The following ITPR2 variants were observed in gnomAD, a reference collection of about 807,000 sequenced individuals.
The protein encoded by ITPR2 is inositol 1,4,5-trisphosphate-gated calcium channel ITPR2.
In ITPR2, 207 loss-of-function variants were observed where a neutral mutation model predicts 317.1. That is an observed-to-expected ratio of 0.65 (90% CI 0.58 to 0.73). The LOEUF (loss-of-function observed/expected upper bound fraction) is 0.73. ITPR2 is among the 30% of genes least tolerant of loss of function. The pLI, the probability that ITPR2 is intolerant of heterozygous loss-of-function variation, is 0.00. For missense variants in ITPR2, 2,613 were observed against 3,284.0 expected, an observed-to-expected ratio of 0.80 and a Z score of 4.99; for synonymous variants, 1,156 against 1,149.1, an observed-to-expected ratio of 1.01 and a Z score of -0.12.
chr12:26,737,282 G>A (rs1321540747), intron 2 of ITPR2, among the ~76,000 whole-genome samples: 1 of 147,828 alleles, frequency 6.8e-6, no homozygotes, highest in East Asian at 2.0e-4. Flanking sequence ...TTTTTAATAC[G>A]GAGCCTCGCT....
chr12:26,565,860 AG>A (rs1565607468), intron 34 of ITPR2, among the ~76,000 whole-genome samples: 1 of 62,848 alleles, frequency 1.6e-5, no homozygotes, highest in Non-Finnish European at 3.4e-5. Flanking sequence ...AGGAGAGGAG[AG>A]GGGAGGGGAG....
At chr12:26,754,645 A>C (rs1282385319) in intron 2 of ITPR2, among the ~76,000 whole-genome samples, 2 of 152,200 alleles carry the variant, frequency 1.3e-5, no homozygotes, top group Non-Finnish European at 2.9e-5. Flanking sequence ...TTTAAGTAAG[A>C]TAGGAAAAGC....
chr12:26,765,819 C>T (rs903289144), intron 2 of ITPR2, among the ~76,000 whole-genome samples: 8 of 152,072 alleles, frequency 5.3e-5, no homozygotes, highest in Non-Finnish European at 1.0e-4. Context: ...CACCAGCCCT[C>T]GGCAATCATT....
intron 42 of ITPR2, among the ~76,000 whole-genome samples, chr12:26,481,597 A>G (rs1283854715): frequency 6.6e-6 from 1 of 152,230 alleles, no homozygotes; most frequent in East Asian, 1.9e-4. Flanking sequence ...GAATTTTAAG[A>G]TCTGAATTAT....
At chr12:26,789,808 C>G (rs1950312886) in intron 2 of ITPR2, among the ~76,000 whole-genome samples, 2 of 152,168 alleles carry the variant, frequency 1.3e-5, no homozygotes, top group Non-Finnish European at 2.9e-5. Flanking sequence ...AATTAAAAAT[C>G]TAACAATGCA....
At chr12:26,823,930 AC>A (rs142357726) in intron 1 of ITPR2, among the ~76,000 whole-genome samples, 115 of 152,342 alleles carry the variant, frequency 7.5e-4, no homozygotes, top group African/African-American at 2.7e-3. Flanking sequence ...ACTAAAATGA[AC>A]AAGTCAGCCA....
chr12:26,833,082 T>A lies in ITPR2; in HGVS notation c.-301A>T, dbSNP rs1592169373. The stretch of plus-strand genomic sequence containing the variant: ...GGTTTCCTGTTCCTTTCTGAAGTTT[T>A]CTCTCCAACACCTTTGCTCCTCCTC... On this transcript the variant is annotated 5_prime_UTR_variant, in exon 1 of 57. Coordinates refer to ENST00000381340, the MANE Select transcript of ITPR2 (RefSeq NM_002223.4). 3 of 375,490 alleles carry A rather than the reference T, an allele frequency of 8.0e-6. No individual in the cohort carries two copies. In the East Asian group the frequency reaches 1.9e-4, roughly 24 times the overall value. 23.3% of individuals were successfully genotyped at this position (375,490 alleles called of 1,614,324 possible).
At chr12:26,486,449 T>C (rs1488138009) in intron 40 of ITPR2, 89 bp from the exon 41 acceptor site, 2 of 1,040,458 alleles carry the variant, frequency 1.9e-6, no homozygotes, top group African/African-American at 3.2e-5. Context: ...CCAAATTCTC[T>C]AACAATTGAA....
At chr12:26,755,425 G>A (rs989321894) in intron 2 of ITPR2, among the ~76,000 whole-genome samples, 1 of 152,200 alleles carries the variant, frequency 6.6e-6, no homozygotes, top group Non-Finnish European at 1.5e-5. Flanking sequence ...CGAATTAACT[G>A]AATTGACTGA....
intron 32 of ITPR2, among the ~76,000 whole-genome samples, chr12:26,586,807 G>C (rs574936180): frequency 3.9e-4 from 60 of 152,154 alleles, no homozygotes; most frequent in African/African-American, 1.4e-3. Flanking sequence ...TAATCCAAGG[G>C]TGGGTAAAAT....
intron 13 of ITPR2, among the ~76,000 whole-genome samples, chr12:26,677,360 G>A (rs559428023): frequency 6.6e-6 from 1 of 152,282 alleles, no homozygotes; most frequent in East Asian, 1.9e-4. Flanking sequence ...AGCACTTTGG[G>A]AGGCCAACAA....
chr12:26,436,031 A>T (rs2136719939), intron 48 of ITPR2, among the ~76,000 whole-genome samples, 190 bp downstream of exon 48: 1 of 152,332 alleles, frequency 6.6e-6, no homozygotes, highest in South Asian at 2.1e-4. Flanking sequence ...AATTGTGTAT[A>T]TGAGCTTTTT....
chr12:26,484,817 T>C (rs575177034), intron 41 of ITPR2, among the ~76,000 whole-genome samples: 1 of 152,248 alleles, frequency 6.6e-6, no homozygotes, highest in East Asian at 1.9e-4. Context: ...GTTCACGCCA[T>C]TCTCCTGCCT....
At chr12:26,611,759 C>T (rs762417339) in intron 26 of ITPR2, among the ~76,000 whole-genome samples, 6 of 152,154 alleles carry the variant, frequency 3.9e-5, no homozygotes, top group Admixed American at 6.5e-5. Flanking sequence ...CTAAATAAAG[C>T]GGTGGATGAA....
intron 34 of ITPR2, among the ~76,000 whole-genome samples, chr12:26,575,727 G>A (rs1398601579): frequency 3.3e-5 from 5 of 152,208 alleles, no homozygotes; most frequent in Admixed American, 3.3e-4. Flanking sequence ...AATAAAAGAT[G>A]TATTTAGACT....
At chr12:26,339,795 A>G (rs1938044793) in intron 56 of ITPR2, among the ~76,000 whole-genome samples, 1 of 152,186 alleles carries the variant, frequency 6.6e-6, no homozygotes, top group African/African-American at 2.4e-5. Context: ...TAACAATTTT[A>G]TATGATAAAG....
intron 49 of ITPR2, chr12:26,419,743 AT>A (rs1940831625): frequency 2.0e-5 from 3 of 152,144 alleles, no homozygotes; most frequent in Admixed American, 2.0e-4. Flanking sequence ...TGTTTTTATT[AT>A]GCTGTAAATA....
At chr12:26,673,297 A>T (rs1186773324) in intron 13 of ITPR2, among the ~76,000 whole-genome samples, 4 of 152,216 alleles carry the variant, frequency 2.6e-5, no homozygotes. Context: ...AATCCTCAAT[A>T]AAATACTGGC....
chr12:26,448,200 T>A (rs187844570), intron 45 of ITPR2, among the ~76,000 whole-genome samples: 1 of 152,086 alleles, frequency 6.6e-6, no homozygotes, highest in Non-Finnish European at 1.5e-5. Context: ...AGGACAGCCG[T>A]CTTACGATAT....
Sources: gnomAD v4.1 joint callset for allele counts (sites outside exome capture counted in the v4.1 genomes callset) on GRCh38, gnomAD v4.1.1 for gene constraint, MANE v1.5 for transcripts, NCBI Gene and HGNC (gene_info 2026-07-23, HGNC 2026-07-21) for gene names.